The following PALLD variants were observed in gnomAD, a reference collection of about 807,000 sequenced individuals.
The protein encoded by PALLD is palladin.
A neutral mutation model predicts 123.5 loss-of-function variants in PALLD; 61 were observed. The ratio of observed to expected loss-of-function variants is 0.49; its 90% CI spans 0.40 to 0.61. The LOEUF (loss-of-function observed/expected upper bound fraction) is 0.61, where lower values mean the gene tolerates loss of function less well. Among genes scored for constraint, PALLD ranks in the 20% least tolerant of loss-of-function variants. The pLI is 0.00. For synonymous variants in PALLD, 465 were observed against 496.4 expected (o/e 0.94, Z 0.84); for missense variants, 1,273 against 1,377.0 (o/e 0.92, Z 1.20).
chr4:168,498,366 A>C (rs1351801504), intron 1 of PALLD, among the ~76,000 whole-genome samples: 3 of 152,182 alleles, frequency 2.0e-5, no homozygotes, highest in Admixed American at 6.5e-5. Context: ...GAATATTAAA[A>C]CTGGCCTTAT....
chr4:168,681,271 T>C, intron 3 of PALLD, 61 bp from the exon 4 acceptor site: 1 of 955,072 alleles, frequency 1.0e-6, no homozygotes, highest in Non-Finnish European at 1.7e-6. Context: ...TATAATTCTT[T>C]GCAATTATTA....
At chr4:168,668,086 A>G in intron 2 of PALLD, 104 bp from the exon 3 acceptor site, 1 of 893,530 alleles carries the variant, frequency 1.1e-6, no homozygotes, top group Non-Finnish European at 1.9e-6. Flanking sequence ...AATCAAACAA[A>G]CATCATTTTG....
chr4:168,707,790 G>A (rs569669260), intron 8 of PALLD, among the ~76,000 whole-genome samples: 1 of 152,262 alleles, frequency 6.6e-6, no homozygotes, highest in Non-Finnish European at 1.5e-5. Context: ...CCCAAAATTT[G>A]TGAATAACCA....
chr4:168,859,583 T>C (rs1403069060), intron 10 of PALLD, among the ~76,000 whole-genome samples: 2 of 152,214 alleles, frequency 1.3e-5, no homozygotes, highest in African/African-American at 4.8e-5. Context: ...GCCACTATCA[T>C]GGACAAATCT....
At chr4:168,668,502 AAAACCTTT>A in intron 3 of PALLD, 134 bp downstream of exon 3, 1 of 649,590 alleles carries the variant, frequency 1.5e-6, no homozygotes, top group Non-Finnish European at 2.5e-6. Flanking sequence ...CATTTCCCTG[AAAACCTTT>A]ATAAATTGAA....
intron 11 of PALLD, among the ~76,000 whole-genome samples, chr4:168,891,411 T>A (rs796346889): frequency 2.6e-5 from 4 of 152,328 alleles, no homozygotes; most frequent in African/African-American, 9.6e-5. Flanking sequence ...TCTGCCCGCC[T>A]TGGCCTCCCA....
At chr4:168,824,021 T>G (rs1743081870) in intron 10 of PALLD, among the ~76,000 whole-genome samples, 1 of 152,186 alleles carries the variant, frequency 6.6e-6, no homozygotes, top group East Asian at 1.9e-4. Flanking sequence ...GAAGATGGAA[T>G]AATAATGTTG....
chr4:168,622,099 G>T (rs1428188434), intron 2 of PALLD, among the ~76,000 whole-genome samples: 1 of 152,080 alleles, frequency 6.6e-6, no homozygotes, highest in Admixed American at 6.6e-5. Flanking sequence ...AAAAACAAAT[G>T]AACAAAACTA....
At chr4:168,888,527 G>T (rs369060678) in intron 10 of PALLD, among the ~76,000 whole-genome samples, 1 of 152,136 alleles carries the variant, frequency 6.6e-6, no homozygotes, top group Non-Finnish European at 1.5e-5. Flanking sequence ...GAACAATGCC[G>T]CTTTTGACAT....
intron 2 of PALLD, among the ~76,000 whole-genome samples, chr4:168,567,048 C>T (rs1053061579): frequency 6.6e-6 from 1 of 152,146 alleles, no homozygotes; most frequent in African/African-American, 2.4e-5. Flanking sequence ...GCATTTATTA[C>T]CTTACTTGAA....
intron 2 of PALLD, among the ~76,000 whole-genome samples, chr4:168,555,230 A>G (rs987065632): frequency 6.6e-6 from 1 of 152,216 alleles, no homozygotes; most frequent in Non-Finnish European, 1.5e-5. Context: ...AAGTGCCAGC[A>G]ATGAAAGCGA....
chr4:168,656,041 G>T (rs186833554), intron 2 of PALLD, among the ~76,000 whole-genome samples: 5 of 152,236 alleles, frequency 3.3e-5, no homozygotes, highest in African/African-American at 7.2e-5. Context: ...CAGTGGACAG[G>T]TTCCAAATGC....
intron 10 of PALLD, among the ~76,000 whole-genome samples, chr4:168,728,986 T>C (rs1786879909): frequency 6.6e-6 from 1 of 152,148 alleles, no homozygotes; most frequent in South Asian, 2.1e-4. Context: ...TAAGATGAAG[T>C]TCTGTTTTAA....
At chr4:168,888,194 T>G (rs1437549846) in intron 10 of PALLD, among the ~76,000 whole-genome samples, 1 of 152,214 alleles carries the variant, frequency 6.6e-6, no homozygotes, top group African/African-American at 2.4e-5. Flanking sequence ...TCTTACTGTC[T>G]CAGGGTCTCC....
At chr4:168,568,706 T>C (rs1295791535) in intron 2 of PALLD, among the ~76,000 whole-genome samples, 1 of 151,738 alleles carries the variant, frequency 6.6e-6, no homozygotes, top group African/African-American at 2.4e-5. Context: ...GGGAAATTTT[T>C]CCTAAAATAA....
chr4:168,615,891 C>G (rs936781270), intron 2 of PALLD, among the ~76,000 whole-genome samples: 3 of 152,188 alleles, frequency 2.0e-5, no homozygotes, highest in Non-Finnish European at 2.9e-5. Context: ...TTTATGAGGT[C>G]TTTGCCTTCA....
intron 10 of PALLD, among the ~76,000 whole-genome samples, chr4:168,761,645 G>GTTTTTTTTTGTTTTTTTTTTTTT (rs1732875430): frequency 2.3e-5 from 2 of 88,022 alleles, no homozygotes; most frequent in Non-Finnish European, 4.4e-5. Context: ...GTTGTTGTTT[G>GTTTTTTTTTGTTTTTTTTTTTTT]TTTTTTTTTT....
chr4:168,655,776 T>G (rs1037335288), intron 2 of PALLD, among the ~76,000 whole-genome samples: 1 of 152,152 alleles, frequency 6.6e-6, no homozygotes, highest in Non-Finnish European at 1.5e-5. Context: ...TCGGGGAAAT[T>G]TTGAGGGACA....
intron 2 of PALLD, among the ~76,000 whole-genome samples, chr4:168,659,910 A>G (rs1330700498): frequency 6.6e-6 from 1 of 152,240 alleles, no homozygotes; most frequent in Non-Finnish European, 1.5e-5. Context: ...CTGCTAGTCA[A>G]CTTGTAAGCC....
Sources: gnomAD v4.1 joint callset for allele counts (sites outside exome capture counted in the v4.1 genomes callset) on GRCh38, gnomAD v4.1.1 for gene constraint, MANE v1.5 for transcripts, NCBI Gene and HGNC (gene_info 2026-07-23, HGNC 2026-07-21) for gene names.